Variants in RBFOX1 observed in about 807,000 individuals in gnomAD.
RBFOX1 encodes the protein RNA binding fox-1 homolog 1.
Under a neutral mutation model 57.7 loss-of-function variants are expected in RBFOX1, and 8 were observed. That is an observed-to-expected ratio of 0.14 (90% CI 0.08 to 0.25). The LOEUF (loss-of-function observed/expected upper bound fraction) is 0.25, where lower values mean the gene tolerates loss of function less well. Among genes scored for constraint, RBFOX1 ranks in the 10% least tolerant of loss-of-function variants. RBFOX1 has a pLI of 1.00. For synonymous variants in RBFOX1, 326 were observed against 222.4 expected, an observed-to-expected ratio of 1.47 and a Z score of -4.15; for missense variants, 611 against 548.5, an observed-to-expected ratio of 1.11 and a Z score of -1.14.
intron 3 of RBFOX1, among the ~76,000 whole-genome samples, chr16:6,676,925 C>G (rs1184128475): frequency 2.0e-5 from 3 of 152,134 alleles, no homozygotes; most frequent in South Asian, 2.1e-4. Context: ...ATCTGCCCAC[C>G]TCGGCCTCCC....
intron 10 of RBFOX1, among the ~76,000 whole-genome samples, chr16:7,612,802 C>G (rs1312181167): frequency 2.6e-5 from 4 of 152,086 alleles, no homozygotes; most frequent in African/African-American, 9.7e-5. Flanking sequence ...TTCTCAATTG[C>G]CAGTAAAATA....
intron 4 of RBFOX1, among the ~76,000 whole-genome samples, chr16:7,178,837 A>G (rs764587916): frequency 6.6e-6 from 1 of 152,196 alleles, no homozygotes; most frequent in Non-Finnish European, 1.5e-5. Flanking sequence ...CAAGTTATGT[A>G]TAAGGAACAT....
intron 4 of RBFOX1, among the ~76,000 whole-genome samples, chr16:5,948,646 G>C (rs1567179566): frequency 6.6e-6 from 1 of 152,176 alleles, no homozygotes; most frequent in Non-Finnish European, 1.5e-5. Context: ...GAAATTCAAG[G>C]AATGCTGCAG....
chr16:6,768,658 G>A (rs534413604), intron 3 of RBFOX1, among the ~76,000 whole-genome samples: 87 of 150,442 alleles, frequency 5.8e-4, no homozygotes, highest in South Asian at 1.3e-3. Context: ...ATTAGTATGC[G>A]TATGTACAGG....
chr16:6,750,691 C>A (rs2074760531), intron 3 of RBFOX1, among the ~76,000 whole-genome samples: 1 of 152,298 alleles, frequency 6.6e-6, no homozygotes, highest in African/African-American at 2.4e-5. Flanking sequence ...TTCATTCATG[C>A]ATTCATTCAT....
intron 2 of RBFOX1, among the ~76,000 whole-genome samples, chr16:6,453,115 T>C (rs1567309484): frequency 6.6e-6 from 1 of 151,912 alleles, no homozygotes. Context: ...ACTTTCTTTT[T>C]TTAATTATTA....
At chr16:7,069,501 T>C (rs146972550) in intron 4 of RBFOX1, among the ~76,000 whole-genome samples, 1 of 152,210 alleles carries the variant, frequency 6.6e-6, no homozygotes, top group Non-Finnish European at 1.5e-5. Context: ...TCCAGCTTCA[T>C]CTATGTCCTT....
chr16:6,104,783 T>A (rs915601593), intron 1 of RBFOX1, among the ~76,000 whole-genome samples: 2 of 152,182 alleles, frequency 1.3e-5, no homozygotes, highest in Non-Finnish European at 2.9e-5. Flanking sequence ...ACCACATAGA[T>A]GAACCTCGGA....
At chr16:5,497,340 C>G (rs2043033872) in intron 2 of RBFOX1, among the ~76,000 whole-genome samples, 2 of 147,300 alleles carry the variant, frequency 1.4e-5, no homozygotes, top group East Asian at 2.1e-4. Context: ...TCGCTCTACT[C>G]TTGAACTCAG....
chr16:5,864,047 C>G (rs188839043), intron 3 of RBFOX1, among the ~76,000 whole-genome samples: 2 of 152,156 alleles, frequency 1.3e-5, no homozygotes, highest in Non-Finnish European at 2.9e-5. Flanking sequence ...GATCCTCCCC[C>G]TCCTTTCACC....
At chr16:6,284,226 G>T (rs1239514357) in intron 1 of RBFOX1, among the ~76,000 whole-genome samples, 1 of 151,994 alleles carries the variant, frequency 6.6e-6, no homozygotes, top group Non-Finnish European at 1.5e-5. Context: ...TCATGCTTTG[G>T]CTTTGCTATT....
At chr16:6,696,702 TTC>T (rs903414857) in intron 3 of RBFOX1, among the ~76,000 whole-genome samples, 1 of 152,158 alleles carries the variant, frequency 6.6e-6, no homozygotes, top group Non-Finnish European at 1.5e-5. Flanking sequence ...GATTTTTTTT[TTC>T]CATGTAACTT....
chr16:6,418,790 A>G (rs923268481), intron 2 of RBFOX1, among the ~76,000 whole-genome samples: 2 of 152,050 alleles, frequency 1.3e-5, no homozygotes, highest in South Asian at 2.1e-4. Flanking sequence ...TGGCCTCCCA[A>G]TATGCTGGGA....
intron 2 of RBFOX1, among the ~76,000 whole-genome samples, chr16:5,546,512 G>C (rs904646910): frequency 6.6e-6 from 1 of 152,192 alleles, no homozygotes; most frequent in Non-Finnish European, 1.5e-5. Flanking sequence ...CAGTGGAGTA[G>C]AATAATCTTT....
chr16:6,912,125 A>G (rs2071781974), intron 3 of RBFOX1, among the ~76,000 whole-genome samples: 1 of 152,222 alleles, frequency 6.6e-6, no homozygotes, highest in Admixed American at 6.5e-5. Flanking sequence ...CTAGTATTTC[A>G]GAACTTTACG....
At chr16:7,152,773 G>C (rs1431130211) in intron 4 of RBFOX1, among the ~76,000 whole-genome samples, 2 of 152,162 alleles carry the variant, frequency 1.3e-5, no homozygotes, top group Non-Finnish European at 2.9e-5. Context: ...GTCCAGGTAC[G>C]ATATTTTATG....
rs1157889765 is a variant in RBFOX1, at chr16:5,946,180, A to C, written c.351+78845A>C. 6.6e-6 allele frequency among the ~76,000 whole-genome samples: 1 copy of C among 152,214 alleles called. No homozygotes were observed. On this transcript the variant is annotated intron_variant, in intron 4 of 19. Transcript: ENST00000641259. The surrounding 1 kb of genome is among the most constrained non-coding windows in gnomAD (Gnocchi z 4.6). ...TGGCAGGATGTGATGGAAAGTGCAC[A>C]GACGGCCCGAGGTGGGGGCCAGGCT...
intron 3 of RBFOX1, among the ~76,000 whole-genome samples, chr16:5,775,278 C>T (rs1452341090): frequency 6.6e-6 from 1 of 152,108 alleles, no homozygotes; most frequent in Admixed American, 6.5e-5. Context: ...ACTAACATCC[C>T]CCTTCTCACC....
Position 5,569,454 on chromosome 16 carries a change from TTTTTTTTTTTTTTC to T in RBFOX1, c.259-29445_259-29432del, listed in dbSNP as rs1007200899. ...AGAAGTAACCTTTTTTTTTTTTTTT[TTTTTTTTTTTTTTC>T]TTCTTCTTTTTGGAGTACTCTCTAT... On this transcript the variant is annotated intron_variant, in intron 2 of 2. Transcript: ENST00000585867. 2.9e-3 allele frequency among the ~76,000 whole-genome samples: 368 copies of T among 128,898 alleles called. 7 individuals are homozygous for T. The highest frequency in any genetic ancestry group is 9.1e-3 in the African/African-American group (329 of 36,176). 84.6% of individuals were successfully genotyped at this position (128,898 alleles called of 152,430 possible). A position where few individuals can be genotyped will look rare whatever the true frequency, so the allele number is the denominator to read the frequency against.
Sources: allele counts gnomAD v4.1 joint callset (sites outside exome capture counted in the v4.1 genomes callset), GRCh38; gene constraint gnomAD v4.1.1; non-coding constraint Gnocchi (gnomAD v3.1); transcripts MANE v1.5; gene names NCBI Gene and HGNC (gene_info 2026-07-23, HGNC 2026-07-21).